Variants in HERC6 observed in about 807,000 individuals in gnomAD.
HERC6 encodes the protein HECT and RLD domain containing E3 ubiquitin protein ligase family member 6, also known as probable E3 ubiquitin-protein ligase HERC6.
HERC6 carries 101 observed loss-of-function variants against 114.5 expected under a neutral mutation model. The ratio of observed to expected loss-of-function variants is 0.88; its 90% CI spans 0.75 to 1.04. The LOEUF is 1.04. Ranked by LOEUF, HERC6 falls within the 50% of genes least tolerant of loss-of-function variation. The probability of loss-of-function intolerance (pLI) is 0.00; values close to 1 mark genes in which losing one functional copy is unlikely to be tolerated. For synonymous variants in HERC6, 408 were observed against 436.2 expected (o/e 0.94, Z 0.81); for missense variants, 1,133 against 1,230.9 (o/e 0.92, Z 1.19).
Position 88,383,369 on chromosome 4 carries a change from T to A in HERC6, c.348T>A (p.Ser116Arg). ...QLGIGEFKEI[S>R]FTPKKIMTLN... Reference sequence around the variant, plus strand: ...GGATTGGAGAATTCAAGGAAATAAGTTTCACACCTAAGTAAGTGTTTCAAC... The same window carrying A: ...GGATTGGAGAATTCAAGGAAATAAGATTCACACCTAAGTAAGTGTTTCAAC... Residue 116 changes from serine (S) to arginine (R), a missense_variant, in exon 2 of 23, where the codon AGT becomes AGA. Ser to Arg is a moderately radical substitution (Grantham distance 110, BLOSUM62 -1). Coordinates refer to ENST00000264346, the MANE Select transcript of HERC6 (RefSeq NM_017912.4). 6.7e-7 allele frequency: 1 copy of A among 1,500,290 alleles called. No homozygotes were observed. The highest frequency in any genetic ancestry group is 1.3e-5 in the South Asian group (1 of 74,570). The allele number at this position is 1,500,290 out of a possible 1,614,324, so 92.9% of individuals were successfully genotyped here. A position where few individuals can be genotyped will look rare whatever the true frequency, so the allele number is the denominator to read the frequency against.
In HERC6 at chr4:88,413,170, T is replaced by A. The variant is rs762866615; in HGVS notation, c.1462T>A (p.Cys488Ser). Residue 488 changes from cysteine to serine, a missense_variant, in exon 12 of 23, where the codon TGT becomes AGT. Cys to Ser is a moderately radical substitution (Grantham distance 112, BLOSUM62 -1). Transcript: ENST00000264346. ...ATCAGTTTTCCTCCTGCTCCCAGAATGTCCTGTGATGCATGATTCTAAGAA... is the reference window on the plus strand; with the variant it reads ...ATCAGTTTTCCTCCTGCTCCCAGAAAGTCCTGTGATGCATGATTCTAAGAA... ...ALSVFLLLPE[C>S]PVMHDSKNWK... 4 of 1,613,626 alleles carry A rather than the reference T, an allele frequency of 2.5e-6. No homozygotes were observed. The African/African-American group carries it at 5.3e-5, about 22-fold the overall frequency.
chr4:88,420,910 CTCCCCAT>C lies in HERC6; in HGVS notation c.1714-2937_1714-2931del, dbSNP rs1245054371. Among the ~76,000 whole-genome samples, 7 of 152,314 alleles carry C rather than the reference CTCCCCAT, an allele frequency of 4.6e-5. No individual in the cohort carries two copies. The East Asian group carries it at 1.2e-3, about 25-fold the overall frequency. Reference sequence around the variant, plus strand: ...GAAGCCCTATACCCATTAGCAGTCACTCCCCATTCCCCATTCCCCCTCAACTCCCATC... The same window carrying C: ...GAAGCCCTATACCCATTAGCAGTCACTCCCCATTCCCCCTCAACTCCCATC... On this transcript the variant is annotated intron_variant, in intron 13 of 22. Transcript: ENST00000264346.
At chr4:88,385,597 T>G (rs1734530997) in intron 3 of HERC6, 22 bp downstream of exon 3, 1 of 1,300,196 alleles carries the variant, frequency 7.7e-7, no homozygotes. Flanking sequence ...TTTTTGGATC[T>G]GAGTGTGAGT....
intron 13 of HERC6, among the ~76,000 whole-genome samples, chr4:88,419,546 C>G (rs1360150325): frequency 1.3e-5 from 2 of 152,122 alleles, no homozygotes; most frequent in Non-Finnish European, 2.9e-5. Flanking sequence ...GGCAGCACTT[C>G]TTAAACTTTA....
Position 88,390,807 on chromosome 4 carries a change from C to T in HERC6, c.592C>T (p.Leu198Phe), listed in dbSNP as rs1734875080. 6.2e-7 allele frequency: 1 copy of T among 1,614,026 alleles called. No homozygotes were observed. The highest frequency in any genetic ancestry group is 1.7e-5 in the Admixed American group (1 of 60,002). Reference protein sequence around the residue: ...AGGAHSFALSLCGTSFGWGSN... With the variant: ...AGGAHSFALSFCGTSFGWGSN... The stretch of plus-strand genomic sequence containing the variant: ...AGGGGCTCACAGCTTTGCCCTGTCT[C>T]TCTGTGGGACTTCGTTTGGCTGGGG... Residue 198 changes from leucine (L) to phenylalanine (F), a missense_variant, in exon 4 of 23, where the codon CTC becomes TTC. By Grantham distance (22) the Leu-to-Phe change is conservative. Coordinates refer to ENST00000264346, the MANE Select transcript of HERC6 (RefSeq NM_017912.4).
intron 3 of HERC6, among the ~76,000 whole-genome samples, chr4:88,390,050 G>A (rs768595412): frequency 3.3e-5 from 5 of 151,840 alleles, no homozygotes; most frequent in Non-Finnish European, 7.4e-5. Context: ...GTGGTGGCAC[G>A]CATTTGTAAT....
At chr4:88,419,140 A>G (rs1736789189) in intron 13 of HERC6, among the ~76,000 whole-genome samples, 1 of 152,242 alleles carries the variant, frequency 6.6e-6, no homozygotes. Flanking sequence ...AAAGGGCCCA[A>G]TGGATACTGT....
At chr4:88,423,016 TCA>T (rs1737213379) in intron 13 of HERC6, among the ~76,000 whole-genome samples, 1 of 151,964 alleles carries the variant, frequency 6.6e-6, no homozygotes, top group Admixed American at 6.6e-5. Context: ...TTTAATCTCA[TCA>T]CAATCTGTAG....
intron 15 of HERC6, among the ~76,000 whole-genome samples, chr4:88,426,255 G>A (rs554010116): frequency 1.3e-5 from 2 of 151,738 alleles, no homozygotes; most frequent in African/African-American, 2.4e-5. Context: ...CACAACCTCT[G>A]CCTCCCGGGT....
chr4:88,428,492 C>T (rs1297381761), intron 15 of HERC6, 88 bp from the exon 16 acceptor site: 3 of 1,001,208 alleles, frequency 3.0e-6, no homozygotes, highest in Non-Finnish European at 4.3e-6. Flanking sequence ...GTATATACTA[C>T]ACAAAATGTT....
chr4:88,437,112 A>G (rs1738839266), intron 19 of HERC6, 141 bp downstream of exon 19: 2 of 568,916 alleles, frequency 3.5e-6, no homozygotes, highest in South Asian at 2.9e-5. Flanking sequence ...GTTGGAGTAC[A>G]ATGGCGCGAT....
chr4:88,429,505 C>T (rs1737974240), intron 16 of HERC6, among the ~76,000 whole-genome samples: 1 of 152,200 alleles, frequency 6.6e-6, no homozygotes, highest in Non-Finnish European at 1.5e-5. Context: ...CAATGCTAGC[C>T]ATCCTTCCTT....
At chr4:88,431,436 C>T (rs1026475917) in intron 17 of HERC6, 131 bp downstream of exon 17, 76 of 1,048,162 alleles carry the variant, frequency 7.3e-5, no homozygotes, top group East Asian at 1.7e-4. Flanking sequence ...GAGTAGTACT[C>T]GTATGGTTCA....
At chr4:88,396,571 A>T (rs909466093) in intron 6 of HERC6, among the ~76,000 whole-genome samples, 1 of 152,218 alleles carries the variant, frequency 6.6e-6, no homozygotes, top group African/African-American at 2.4e-5. Context: ...AAGAAAAAAA[A>T]TAGAAATGCC....
chr4:88,422,446 A>C (rs2148946380), intron 13 of HERC6, among the ~76,000 whole-genome samples: 1 of 152,306 alleles, frequency 6.6e-6, no homozygotes, highest in South Asian at 2.1e-4. Context: ...GGTTAAGGAA[A>C]CTTCATTCTA....
At chr4:88,435,574 A>C in intron 17 of HERC6, 151 bp from the exon 18 acceptor site, 1 of 450,144 alleles carries the variant, frequency 2.2e-6, no homozygotes, top group South Asian at 6.8e-5. Flanking sequence ...AATCTGTAGA[A>C]GAACTTCACA....
chr4:88,442,754 G>C lies in HERC6; in HGVS notation c.*294G>C. On this transcript the variant is annotated 3_prime_UTR_variant, in exon 23 of 23. Transcript: ENST00000264346. ...CATTCCAGGACCTTCATTTGCATAA[G>C]GTATCAAACCACATCAGCCTCTGAT... 2.4e-6 allele frequency: 1 copy of C among 416,922 alleles called. No homozygotes were observed. The highest frequency in any genetic ancestry group is 2.8e-5 in the South Asian group (1 of 35,654). The allele number at this position is 416,922 out of a possible 1,614,324, so 25.8% of individuals were successfully genotyped here.
intron 6 of HERC6, 78 bp downstream of exon 6, chr4:88,396,220 G>T: frequency 8.2e-7 from 1 of 1,225,508 alleles, no homozygotes; most frequent in Non-Finnish European, 1.1e-6. Context: ...TGACTCATAT[G>T]GAATGTTATC....
In HERC6 at chr4:88,408,690, A is replaced by G. The variant is rs1019629616; in HGVS notation, c.1368+73A>G. Reference sequence around the variant, plus strand: ...TTATTTTTGTTGGAAGCTGGGTGAGATGGGAACTATGATTGTAATTGCCCG... The same window carrying G: ...TTATTTTTGTTGGAAGCTGGGTGAGGTGGGAACTATGATTGTAATTGCCCG... On this transcript the variant is annotated intron_variant, in intron 11 of 22. Coordinates refer to ENST00000264346, the MANE Select transcript of HERC6 (RefSeq NM_017912.4). The G allele has an allele frequency of 4.0e-6, 4 of 990,796 alleles. No individual in the cohort carries two copies. The East Asian group carries it at 1.1e-4, about 26-fold the overall frequency. 61.4% of individuals were successfully genotyped at this position (990,796 alleles called of 1,614,324 possible). A position where few individuals can be genotyped will look rare whatever the true frequency, so the allele number is the denominator to read the frequency against.
Sources: gnomAD v4.1 joint callset for allele counts (sites outside exome capture counted in the v4.1 genomes callset) on GRCh38, gnomAD v4.1.1 for gene constraint, MANE v1.5 for transcripts, NCBI Gene and HGNC (gene_info 2026-07-23, HGNC 2026-07-21) for gene names.